The following BPIFB2 variants were observed in gnomAD, a reference collection of about 807,000 sequenced individuals.
The protein encoded by BPIFB2 is BPI fold containing family B member 2, also known as BPI fold-containing family B member 2.
A neutral mutation model predicts 50.1 loss-of-function variants in BPIFB2; 39 were observed. The observed-to-expected ratio is 0.78, with a 90% CI of 0.60 to 1.02. BPIFB2 has a LOEUF of 1.02. Among genes scored for constraint, BPIFB2 ranks in the 50% least tolerant of loss-of-function variants. The pLI, the probability that BPIFB2 is intolerant of heterozygous loss-of-function variation, is 0.00. For synonymous variants in BPIFB2, 280 were observed against 256.3 expected, an observed-to-expected ratio of 1.09 and a Z score of -0.88; for missense variants, 574 against 585.8, an observed-to-expected ratio of 0.98 and a Z score of 0.21.
At chr20:33,019,545 C>T in intron 10 of BPIFB2, 35 bp from the exon 11 acceptor site, 1 of 1,547,686 alleles carries the variant, frequency 6.5e-7, no homozygotes, top group Non-Finnish European at 8.7e-7. Flanking sequence ...CCAGCCGCTG[C>T]CTCAGCAGGG....
intron 5 of BPIFB2, among the ~76,000 whole-genome samples, chr20:33,014,361 C>T (rs1990329653): frequency 6.6e-6 from 1 of 152,232 alleles, no homozygotes; most frequent in Non-Finnish European, 1.5e-5. Flanking sequence ...AGGCCGCTCC[C>T]TTCTGCATAA....
chr20:33,008,533 T>A lies in BPIFB2; in HGVS notation c.-34-8T>A, dbSNP rs367764503. 1 of 1,513,684 alleles carries A rather than the reference T, an allele frequency of 6.6e-7. No individual in the cohort carries two copies. 93.8% of individuals were successfully genotyped at this position (1,513,684 alleles called of 1,614,324 possible). On this transcript the variant is annotated splice_region_variant and splice_polypyrimidine_tract_variant and intron_variant, in intron 1 of 15. Transcript: ENST00000170150. ...GGCTGAGCTCCCTGATGCTCATTTCTACCCCAGCCCACAGATCCTGTGGGC... is the reference window on the plus strand; with the variant it reads ...GGCTGAGCTCCCTGATGCTCATTTCAACCCCAGCCCACAGATCCTGTGGGC...
At chr20:33,015,519 A>G (rs763510919) in intron 6 of BPIFB2, 23 bp downstream of exon 6, 8 of 1,588,050 alleles carry the variant, frequency 5.0e-6, no homozygotes, top group Middle Eastern at 1.7e-4. Context: ...CAGATTTCTC[A>G]GAAAGGAGGG....
rs375867311 is a variant in BPIFB2, at chr20:33,015,445, C to T, written c.465C>T (p.His155=). The T allele has an allele frequency of 5.5e-5, 88 of 1,613,202 alleles. No homozygotes were observed. In the Middle Eastern group the frequency reaches 6.7e-4, roughly 12 times the overall value. ...TGTGTTTCTCCCTCAGCACCTCCCA[C>T]GCGCTGCTGGTCCTGGTGCAGAAGC... The part of the protein sequence containing the change: ...NEFDGSNSTS[H]ALLVLVQKHI... The change falls in exon 6 of 16, where the codon CAC becomes CAT. Residue 155 remains histidine (H), a synonymous_variant. Coordinates refer to ENST00000170150, the MANE Select transcript of BPIFB2 (RefSeq NM_025227.3).
chr20:33,013,520 G>A (rs1990316390), intron 4 of BPIFB2, among the ~76,000 whole-genome samples: 1 of 152,216 alleles, frequency 6.6e-6, no homozygotes, highest in Admixed American at 6.5e-5. Flanking sequence ...TTTTACAGAA[G>A]AGGAAACTGA....
chr20:33,020,083 T>A (rs527240253), intron 11 of BPIFB2, among the ~76,000 whole-genome samples: 1 of 152,344 alleles, frequency 6.6e-6, no homozygotes, highest in African/African-American at 2.4e-5. Flanking sequence ...TCTGAAAGGA[T>A]GGCGCCTGGT....
intron 13 of BPIFB2, among the ~76,000 whole-genome samples, 199 bp from the exon 14 acceptor site, chr20:33,021,082 G>T (rs1356114666): frequency 6.6e-6 from 1 of 152,210 alleles, no homozygotes; most frequent in Non-Finnish European, 1.5e-5. Flanking sequence ...TCCTGCGAAG[G>T]CTGAGCCAAC....
In BPIFB2 at chr20:33,012,844, A is replaced by C; in HGVS notation, c.245A>C (p.Lys82Thr). 6.2e-7 allele frequency: 1 copy of C among 1,613,966 alleles called. No homozygotes were observed. The highest frequency in any genetic ancestry group is 8.5e-7 in the Non-Finnish European group (1 of 1,179,976). Residue 82 changes from lysine (K) to threonine (T), a missense_variant, in exon 4 of 16, where the codon AAA becomes ACA. Transcript: ENST00000170150. ...GTCCATGTGCCCCGCCTCCACCTGA[A>C]ATTCATTGCTGGTTTCGGAGTGCGC... is the stretch of plus-strand genomic sequence containing the variant. ...LNVHVPRLHL[K>T]FIAGFGVRLL... is the part of the protein sequence containing the mutation.
In BPIFB2 at chr20:33,010,191, G is replaced by C. The variant is rs76532807; in HGVS notation, c.110-833G>C. On this transcript the variant is annotated intron_variant, in intron 2 of 15. Coordinates refer to ENST00000170150, the MANE Select transcript of BPIFB2 (RefSeq NM_025227.3). ...ACTCCTGCTTAATTAGCACCTCTCTGGGGCTCAGCAGCACAGGTGAGTGAG... is the reference window on the plus strand; with the variant it reads ...ACTCCTGCTTAATTAGCACCTCTCTCGGGCTCAGCAGCACAGGTGAGTGAG... 1.1e-3 allele frequency among the ~76,000 whole-genome samples: 172 copies of C among 152,248 alleles called. 1 individual carries two copies. The East Asian group carries it at 0.022, about 20-fold the overall frequency.
At position 33,008,554 on chromosome 20, in the gene BPIFB2, TG is replaced by T; in HGVS notation, c.-18del. ...TTTCTACCCCAGCCCACAGATCCTG[TG>T]GGCAGCGGCCAGGGCAGCCATGGCT... is the stretch of plus-strand genomic sequence containing the variant. On this transcript the variant is annotated 5_prime_UTR_variant, in exon 2 of 16. Coordinates refer to ENST00000170150, the MANE Select transcript of BPIFB2 (RefSeq NM_025227.3). 1 of 1,560,362 alleles carries T rather than the reference TG, an allele frequency of 6.4e-7. No homozygotes were observed. The highest frequency in any genetic ancestry group is 8.7e-7 in the Non-Finnish European group (1 of 1,151,226).
intron 9 of BPIFB2, 74 bp from the exon 10 acceptor site, chr20:33,018,988 C>T: frequency 6.2e-7 from 1 of 1,602,902 alleles, no homozygotes; most frequent in Non-Finnish European, 8.5e-7. Flanking sequence ...AGCGATTGCT[C>T]AGGGGGAAAG....
At chr20:33,012,989 C>A (rs1454445136) in intron 4 of BPIFB2, 82 bp downstream of exon 4, 1 of 1,160,154 alleles carries the variant, frequency 8.6e-7, no homozygotes, top group African/African-American at 1.5e-5. Flanking sequence ...GGGGTAGCAA[C>A]TCCTCCAGGG....
At chr20:33,018,899 G>T in intron 9 of BPIFB2, 77 bp downstream of exon 9, 1 of 1,571,014 alleles carries the variant, frequency 6.4e-7, no homozygotes, top group Non-Finnish European at 8.7e-7. Context: ...CCTCCCAGAG[G>T]CCAAATCATG....
At chr20:33,021,221 G>A in intron 13 of BPIFB2, 60 bp from the exon 14 acceptor site, 14 of 1,557,446 alleles carry the variant, frequency 9.0e-6, no homozygotes, top group Non-Finnish European at 1.2e-5. Flanking sequence ...GTGCCTGACT[G>A]TCCATCTCTC....
chr20:33,008,445 C>G (rs1990238789), intron 1 of BPIFB2, 96 bp from the exon 2 acceptor site: 3 of 636,366 alleles, frequency 4.7e-6, no homozygotes, highest in South Asian at 2.1e-5. Context: ...CTGGGATCAC[C>G]AGTCAGGGCT....
intron 3 of BPIFB2, among the ~76,000 whole-genome samples, chr20:33,012,398 T>C (rs960026005): frequency 3.3e-5 from 5 of 152,182 alleles, no homozygotes; most frequent in Non-Finnish European, 5.9e-5. Context: ...CTTGGAGCTT[T>C]GAAGTGGGGG....
rs376460103 is a variant in BPIFB2, at chr20:33,008,639, C to T, written c.65C>T (p.Thr22Met). 28 of 1,607,550 alleles carry T rather than the reference C, an allele frequency of 1.7e-5. No homozygotes were observed. Among genetic ancestry groups the T allele is most frequent in the Middle Eastern group, 1.6e-4 (1 of 6,070 alleles). Reference sequence around the variant, plus strand: ...CTGCTGCCCGTGGTCGGTGCCTCCACGCCAGGCACCGTGGTCCGACTCAAC... The same window carrying T: ...CTGCTGCCCGTGGTCGGTGCCTCCATGCCAGGCACCGTGGTCCGACTCAAC... ...ALLLPVVGAS[T>M]PGTVVRLNKA... Residue 22 changes from threonine (T) to methionine (M), a missense_variant, in exon 2 of 16, where the codon ACG becomes ATG. Transcript: ENST00000170150.
intron 8 of BPIFB2, 106 bp from the exon 9 acceptor site, chr20:33,018,531 G>A: frequency 7.2e-7 from 1 of 1,389,166 alleles, no homozygotes; most frequent in Non-Finnish European, 9.9e-7. Context: ...TCTTGCAGGG[G>A]CTGGGGGGCA....
chr20:33,017,795 T>G (rs1456537940), intron 7 of BPIFB2, among the ~76,000 whole-genome samples: 4 of 152,244 alleles, frequency 2.6e-5, no homozygotes. Flanking sequence ...CGTGTGAGTG[T>G]GCATGTGTGC....
Sources: allele counts gnomAD v4.1 joint callset (sites outside exome capture counted in the v4.1 genomes callset), GRCh38; gene constraint gnomAD v4.1.1; transcripts MANE v1.5; gene names NCBI Gene and HGNC (gene_info 2026-07-23, HGNC 2026-07-21).